Variants in GATD1 observed in about 807,000 individuals in gnomAD.
GATD1 encodes glutamine amidotransferase class 1 domain containing 1, also known as glutamine amidotransferase-like class 1 domain-containing protein 1.
In GATD1, 23 loss-of-function variants were observed where a neutral mutation model predicts 25.9. The observed-to-expected ratio is 0.89, with a 90% confidence interval of 0.64 to 1.26. The LOEUF (loss-of-function observed/expected upper bound fraction) is 1.26, where lower values mean the gene tolerates loss of function less well. GATD1 is among the 50% of genes most tolerant of loss of function. The pLI is 0.00. For synonymous variants in GATD1, 177 were observed against 134.6 expected (o/e 1.31, Z -2.18); for missense variants, 347 against 312.5 (o/e 1.11, Z -0.83).
rs1863346983 is a variant in GATD1, at chr11:770,663, T to C, written c.*234A>G. On this transcript the variant is annotated 3_prime_UTR_variant, in exon 8 of 8. Transcript: ENST00000319863. The stretch of plus-strand genomic sequence containing the variant: ...ACAGCTCTCCAGGCACGTGGGGTCT[T>C]TTCTCTGCCTCCTACCAGAGAACAT... The C allele has an allele frequency of 1.4e-6, 2 of 1,419,212 alleles. No homozygotes were observed. The highest frequency in any genetic ancestry group is 1.4e-5 in the African/African-American group (1 of 69,534). 87.9% of individuals were successfully genotyped at this position (1,419,212 alleles called of 1,614,324 possible). A position where few individuals can be genotyped will look rare whatever the true frequency, so the allele number is the denominator to read the frequency against.
intron 5 of GATD1, among the ~76,000 whole-genome samples, chr11:772,022 C>T (rs1863494368): frequency 6.6e-6 from 1 of 152,202 alleles, no homozygotes; most frequent in Admixed American, 6.5e-5. Flanking sequence ...ACTTCACAGC[C>T]TTTGGGCCTC....
Position 771,313 on chromosome 11 carries a change from G to A in GATD1, c.544+20C>T. On this transcript the variant is annotated intron_variant, in intron 6 of 7. Coordinates refer to ENST00000319863, the MANE Select transcript of GATD1 (RefSeq NM_182612.4). ...CCCACCCCATCTTCTGTAAGTGCAG[G>A]GGGCACCCTCGAGGCTCACCACTGA... 1 of 1,605,248 alleles carries A rather than the reference G, an allele frequency of 6.2e-7. No homozygotes were observed.
Position 777,447 on chromosome 11 carries a change from G to A in GATD1, c.16C>T (p.Leu6Phe). 3.2e-6 allele frequency: 4 copies of A among 1,255,570 alleles called. No homozygotes were observed. Among genetic ancestry groups the A allele is most frequent in the Non-Finnish European group, 4.0e-6 (4 of 999,956 alleles). 77.8% of individuals were successfully genotyped at this position (1,255,570 alleles called of 1,614,324 possible). A position where few individuals can be genotyped will look rare whatever the true frequency, so the allele number is the denominator to read the frequency against. MASER[L>F]PNRPACLLVA... ...AGCAGACAGGCGGGCCTGTTAGGGAGCCGCTCGGACGCCATGGCTCGGGCT... is the reference window on the plus strand; with the variant it reads ...AGCAGACAGGCGGGCCTGTTAGGGAACCGCTCGGACGCCATGGCTCGGGCT... The change falls in exon 1 of 8, where the codon CTC becomes TTC. Residue 6 changes from leucine to phenylalanine, a missense_variant. Coordinates refer to ENST00000319863, the MANE Select transcript of GATD1 (RefSeq NM_182612.4).
chr11:774,373 T>C (rs778450770), intron 2 of GATD1, among the ~76,000 whole-genome samples: 4 of 152,222 alleles, frequency 2.6e-5, no homozygotes, highest in Non-Finnish European at 5.9e-5. Flanking sequence ...CAGTGACAAA[T>C]ACATAATGCA....
At chr11:775,659 C>T (rs531795713) in intron 1 of GATD1, among the ~76,000 whole-genome samples, 2 of 152,300 alleles carry the variant, frequency 1.3e-5, no homozygotes, top group South Asian at 4.1e-4. Context: ...AGTGTCCTGG[C>T]CCCCCCTCAC....
At position 769,255 on chromosome 11, in the gene GATD1, G is replaced by A. The variant is rs994829323; in HGVS notation, c.*1642C>T. 2.3e-5 allele frequency: 23 copies of A among 985,318 alleles called. No homozygotes were observed. The African/African-American group carries it at 2.4e-4, about 10-fold the overall frequency. 61.0% of individuals were successfully genotyped at this position (985,318 alleles called of 1,614,324 possible). A position where few individuals can be genotyped will look rare whatever the true frequency, so the allele number is the denominator to read the frequency against. ...ACTGGAGGGACGCAGCCTTCAGGGC[G>A]GGGATGTGGCTGCAGCGCTTCCTTC... On this transcript the variant is annotated 3_prime_UTR_variant, in exon 8 of 8. Coordinates refer to ENST00000319863, the MANE Select transcript of GATD1 (RefSeq NM_182612.4).
Position 770,564 on chromosome 11 carries a change from A to C in GATD1, c.*333T>G, listed in dbSNP as rs547804758. 1 of 1,415,910 alleles carries C rather than the reference A, an allele frequency of 7.1e-7. No homozygotes were observed. Among genetic ancestry groups the C allele is most frequent in the South Asian group, 1.6e-5 (1 of 62,654 alleles). The allele number at this position is 1,415,910 out of a possible 1,614,324, so 87.7% of individuals were successfully genotyped here. ...CCCGAGCCGACTCTGTCTAGTCAAC[A>C]GTGACCACACGTGACAACCAGTCCT... On this transcript the variant is annotated 3_prime_UTR_variant, in exon 8 of 8. Coordinates refer to ENST00000319863, the MANE Select transcript of GATD1 (RefSeq NM_182612.4).
In GATD1 at chr11:768,633, A is replaced by C. The variant is rs1863193130; in HGVS notation, c.*2264T>G. 1 of 152,052 alleles carries C rather than the reference A, an allele frequency of 6.6e-6. No homozygotes were observed. Among genetic ancestry groups the C allele is most frequent in the African/African-American group, 2.4e-5 (1 of 41,394 alleles). The allele number at this position is 152,052 out of a possible 1,614,324, so 9.4% of individuals were successfully genotyped here. On this transcript the variant is annotated 3_prime_UTR_variant, in exon 8 of 8. Coordinates refer to ENST00000319863, the MANE Select transcript of GATD1 (RefSeq NM_182612.4). ...GTGCCACTGTGTTCCAGCCTGGGCG[A>C]CAGAGTGAGACTCCATCCAAAAAAT... is the stretch of plus-strand genomic sequence containing the variant.
At chr11:773,474 G>T in intron 4 of GATD1, 48 bp downstream of exon 4, 1 of 1,472,518 alleles carries the variant, frequency 6.8e-7, no homozygotes, top group Non-Finnish European at 9.4e-7. Context: ...CCCATTTCTT[G>T]TGACACTGCA....
In GATD1 at chr11:767,564, C is replaced by A; in HGVS notation, c.*3333G>T. ...TTCAATGCTGGGCTCAATGTCAGATCTGGCTGACCAGAGGGGCTCAATGAG... is the reference window on the plus strand; with the variant it reads ...TTCAATGCTGGGCTCAATGTCAGATATGGCTGACCAGAGGGGCTCAATGAG... On this transcript the variant is annotated 3_prime_UTR_variant, in exon 8 of 8. Coordinates refer to ENST00000319863, the MANE Select transcript of GATD1 (RefSeq NM_182612.4). The A allele has an allele frequency of 1.4e-6, 2 of 1,416,698 alleles. No individual in the cohort carries two copies. Among genetic ancestry groups the A allele is most frequent in the Non-Finnish European group, 9.2e-7 (1 of 1,090,730 alleles). The allele number at this position is 1,416,698 out of a possible 1,614,324, so 87.8% of individuals were successfully genotyped here.
At chr11:771,552 A>G (rs774755865) in intron 5 of GATD1, 126 bp from the exon 6 acceptor site, 272 of 1,421,730 alleles carry the variant, frequency 1.9e-4, no homozygotes, top group Admixed American at 4.5e-4. Flanking sequence ...GTCACTGCTC[A>G]TAACAGGGAC....
chr11:775,047 A>T lies in GATD1; in HGVS notation c.141+19T>A, dbSNP rs1454923044. The T allele has an allele frequency of 6.3e-7, 1 of 1,591,586 alleles. No homozygotes were observed. The highest frequency in any genetic ancestry group is 1.3e-5 in the African/African-American group (1 of 74,816). ...GACAGACCCCAAGTGTCCAGTGGGG[A>T]AGGAGAGGCTGGACTTACCCCAGGG... is the stretch of plus-strand genomic sequence containing the variant. On this transcript the variant is annotated intron_variant, in intron 2 of 7. Coordinates refer to ENST00000319863, the MANE Select transcript of GATD1 (RefSeq NM_182612.4).
At chr11:774,163 G>A in intron 2 of GATD1, 50 bp from the exon 3 acceptor site, 1 of 1,531,038 alleles carries the variant, frequency 6.5e-7, no homozygotes, top group East Asian at 2.3e-5. Flanking sequence ...GGATATCCCT[G>A]TCGGCTCAGA....
At position 773,402 on chromosome 11, in the gene GATD1, C is replaced by A. The variant is rs995351913; in HGVS notation, c.355+120G>T. ...CTGCCCACAACCACTGCAGTGGCCA[C>A]TGACCAGAGATCCAGAAACGCCTAC... On this transcript the variant is annotated intron_variant, in intron 4 of 7. Transcript: ENST00000319863. The A allele has an allele frequency of 2.2e-5, 18 of 820,808 alleles. No individual in the cohort carries two copies. The Admixed American group carries it at 4.9e-4, about 22-fold the overall frequency. 50.8% of individuals were successfully genotyped at this position (820,808 alleles called of 1,614,324 possible).
rs1749603101 is a variant in GATD1, at chr11:767,541, C to T, written c.*3356G>A. 2.2e-5 allele frequency: 32 copies of T among 1,423,576 alleles called. No individual in the cohort carries two copies. Among genetic ancestry groups the T allele is most frequent in the Non-Finnish European group, 2.9e-5 (32 of 1,094,654 alleles). The allele number at this position is 1,423,576 out of a possible 1,614,324, so 88.2% of individuals were successfully genotyped here. On this transcript the variant is annotated 3_prime_UTR_variant, in exon 8 of 8. Transcript: ENST00000319863. ...CCAAAGCCCCACCTGCTTTGATCTT[C>T]AATGCTGGGCTCAATGTCAGATCTG...
chr11:770,919 G>A lies in GATD1; in HGVS notation c.657-16C>T. On this transcript the variant is annotated splice_polypyrimidine_tract_variant and intron_variant, in intron 7 of 7. Coordinates refer to ENST00000319863, the MANE Select transcript of GATD1 (RefSeq NM_182612.4). Reference sequence around the variant, plus strand: ...GGTTCATTTCCTGCAGGACAGACGTGTGGTCAAAGCTTGGGCAAAAGCACC... The same window carrying A: ...GGTTCATTTCCTGCAGGACAGACGTATGGTCAAAGCTTGGGCAAAAGCACC... 1 of 1,612,044 alleles carries A rather than the reference G, an allele frequency of 6.2e-7. No homozygotes were observed. The highest frequency in any genetic ancestry group is 8.5e-7 in the Non-Finnish European group (1 of 1,178,682).
rs1286389768 is a variant in GATD1, at chr11:767,347, C to A, written c.*3550G>T. ...GTCCTCTTGCTTTCCTCCTCTGCCC[C>A]AGCCTGGTGCTGCCCCAAGCCCTGC... On this transcript the variant is annotated 3_prime_UTR_variant, in exon 8 of 8. Transcript: ENST00000319863. The A allele has an allele frequency of 2.0e-6, 3 of 1,536,142 alleles. No individual in the cohort carries two copies. Among genetic ancestry groups the A allele is most frequent in the Non-Finnish European group, 2.6e-6 (3 of 1,146,934 alleles).
chr11:771,061 C>A lies in GATD1; in HGVS notation c.588G>T (p.Leu196=). The A allele has an allele frequency of 1.9e-6, 3 of 1,611,762 alleles. No homozygotes were observed. Among genetic ancestry groups the A allele is most frequent in the Non-Finnish European group, 1.7e-6 (2 of 1,179,598 alleles). Residue 196 remains leucine (L), a synonymous_variant, in exon 7 of 8, where the codon CTG becomes CTT. Coordinates refer to ENST00000319863, the MANE Select transcript of GATD1 (RefSeq NM_182612.4). ...TGGAGCTGGCATTCTGGCCTGTGAC[C>A]AGGTGGCGGTCCAGCACGACGTGGA... is the stretch of plus-strand genomic sequence containing the variant. ...DAVHVVLDRH[L]VTGQNASSTV... is the part of the protein sequence containing the mutation.
rs768073659 is a variant in GATD1, at chr11:772,464, TC to T, written c.412del (p.Asp138ThrfsTer11). On this transcript the variant is annotated frameshift_variant, in exon 5 of 8. Coordinates refer to ENST00000319863, the MANE Select transcript of GATD1 (RefSeq NM_182612.4). LOFTEE classifies it high-confidence loss of function. The stretch of plus-strand genomic sequence containing the variant: ...GTAGCTGTCGAACACCCAGGATCTG[TC>T]CTCGTTGGTGGCACAGCACAGGGCG... ...VAALCCATNEDRSWVFDSYSL... is the reference protein window; with the variant it reads ...VAALCCATNEXRSWVFDSYSL... The T allele has an allele frequency of 6.2e-7, 1 of 1,613,340 alleles. No individual in the cohort carries two copies. Among genetic ancestry groups the T allele is most frequent in the Non-Finnish European group, 8.5e-7 (1 of 1,179,984 alleles).
Sources: gnomAD v4.1 joint callset for allele counts (sites outside exome capture counted in the v4.1 genomes callset) on GRCh38, gnomAD v4.1.1 for gene constraint, MANE v1.5 for transcripts, NCBI Gene and HGNC (gene_info 2026-07-23, HGNC 2026-07-21) for gene names.